TMC1: variants seen among roughly 807,000 people sequenced by gnomAD.
TMC1 encodes the protein transmembrane channel-like protein 1.
In TMC1, 84 loss-of-function variants were observed where a neutral mutation model predicts 105.8. That is an observed-to-expected ratio of 0.79 (90% CI 0.67 to 0.95). TMC1 has a LOEUF of 0.95. Ranked by LOEUF, TMC1 falls within the 40% of genes least tolerant of loss-of-function variation. TMC1 has a pLI of 0.00. For synonymous variants in TMC1, 315 were observed against 311.5 expected (o/e 1.01, Z -0.12); for missense variants, 817 against 914.1 (o/e 0.89, Z 1.37).
chr9:72,637,027 A>C (rs1202406035), intron 4 of TMC1, among the ~76,000 whole-genome samples: 1 of 151,556 alleles, frequency 6.6e-6, no homozygotes, highest in African/African-American at 2.4e-5. Context: ...CTAGAGAAGC[A>C]GCCTAGAACT....
At chr9:72,662,412 G>T (rs1287942002) in intron 5 of TMC1, among the ~76,000 whole-genome samples, 2 of 151,112 alleles carry the variant, frequency 1.3e-5, no homozygotes, top group Non-Finnish European at 2.9e-5. Context: ...GGCCAGGCTG[G>T]TCTCGAACTC....
intron 2 of TMC1, among the ~76,000 whole-genome samples, chr9:72,604,399 A>C (rs1361613063): frequency 6.6e-6 from 1 of 152,244 alleles, no homozygotes; most frequent in African/African-American, 2.4e-5. Flanking sequence ...TACAAAATTT[A>C]GTAAAAACTA....
At chr9:72,780,431 G>A (rs559284173) in intron 13 of TMC1, among the ~76,000 whole-genome samples, 16 of 152,208 alleles carry the variant, frequency 1.1e-4, no homozygotes, top group South Asian at 1.0e-3. Context: ...AAATGTAAAC[G>A]GGCTAAATGC....
Position 72,643,980 on chromosome 9 carries a change from G to A in TMC1, c.-52-4617G>A, listed in dbSNP as rs575889323. On this transcript the variant is annotated intron_variant, in intron 4 of 23. Transcript: ENST00000297784. ...CAATTTTAGCCATTTTAATAAATGT[G>A]TAGTGATATCTCACTGTTGTTTTAA... Among the ~76,000 whole-genome samples, 6 of 152,236 alleles carry A rather than the reference G, an allele frequency of 3.9e-5. No individual in the cohort carries two copies. In the South Asian group the frequency reaches 1.2e-3, roughly 32 times the overall value.
intron 5 of TMC1, among the ~76,000 whole-genome samples, chr9:72,658,948 T>C (rs1326100813): frequency 6.6e-6 from 1 of 152,216 alleles, no homozygotes; most frequent in Non-Finnish European, 1.5e-5. Flanking sequence ...ACAAGGGCAT[T>C]ATGGCCACAT....
At chr9:72,611,860 C>T (rs1284685471) in intron 2 of TMC1, among the ~76,000 whole-genome samples, 1 of 152,090 alleles carries the variant, frequency 6.6e-6, no homozygotes, top group East Asian at 1.9e-4. Flanking sequence ...AACATCACAG[C>T]ACATGTGCTT....
At chr9:72,798,840 AG>A (rs1463475133) in intron 17 of TMC1, among the ~76,000 whole-genome samples, 1 of 152,012 alleles carries the variant, frequency 6.6e-6, no homozygotes, top group Non-Finnish European at 1.5e-5. Context: ...CTAAAATAAA[AG>A]TTTTTTTTTA....
At chr9:72,589,564 A>T (rs561400683) in intron 2 of TMC1, among the ~76,000 whole-genome samples, 2 of 152,252 alleles carry the variant, frequency 1.3e-5, no homozygotes, top group South Asian at 4.1e-4. Flanking sequence ...TCAAGGTTCA[A>T]TTTAGACTTC....
At chr9:72,780,698 T>C (rs1290166057) in intron 13 of TMC1, among the ~76,000 whole-genome samples, 2 of 152,046 alleles carry the variant, frequency 1.3e-5, no homozygotes, top group Admixed American at 6.6e-5. Flanking sequence ...GACTTTAACC[T>C]AACAATAATC....
chr9:72,543,401 T>A (rs1236345122), intron 1 of TMC1, among the ~76,000 whole-genome samples: 4 of 152,242 alleles, frequency 2.6e-5, no homozygotes, highest in Admixed American at 2.0e-4. Context: ...TATAGATTAT[T>A]GGAATAACCT....
intron 1 of TMC1, among the ~76,000 whole-genome samples, chr9:72,569,279 A>G (rs1824226091): frequency 6.6e-6 from 1 of 152,106 alleles, no homozygotes; most frequent in Non-Finnish European, 1.5e-5. Flanking sequence ...AAGTCTGTTC[A>G]TGTTCAGTAC....
intron 13 of TMC1, among the ~76,000 whole-genome samples, chr9:72,786,772 T>A (rs1039571004): frequency 6.6e-6 from 1 of 152,152 alleles, no homozygotes; most frequent in Admixed American, 6.5e-5. Flanking sequence ...CTTTCCCACA[T>A]GTTAGATGTT....
rs200706169 is a variant in TMC1, at chr9:72,724,445, C to T, written c.363-15674C>T. 1.2e-4 allele frequency among the ~76,000 whole-genome samples: 18 copies of T among 152,338 alleles called. No individual in the cohort carries two copies. In the East Asian group the frequency reaches 3.3e-3, roughly 28 times the overall value. On this transcript the variant is annotated intron_variant, in intron 8 of 23. Coordinates refer to ENST00000297784, the MANE Select transcript of TMC1 (RefSeq NM_138691.3). ...GATAGAGCCCTCATGGCCGAATTATCTCTTAAAGGTCCCATCTCTTACTAC... is the reference window on the plus strand; with the variant it reads ...GATAGAGCCCTCATGGCCGAATTATTTCTTAAAGGTCCCATCTCTTACTAC...
intron 1 of TMC1, among the ~76,000 whole-genome samples, chr9:72,574,336 C>T (rs748722868): frequency 2.7e-4 from 41 of 152,170 alleles, no homozygotes; most frequent in South Asian, 4.1e-4. Flanking sequence ...TTTAATTGGG[C>T]GCCCAAGCTC....
At chr9:72,560,684 G>C (rs1413149323) in intron 1 of TMC1, among the ~76,000 whole-genome samples, 5 of 151,886 alleles carry the variant, frequency 3.3e-5, no homozygotes, top group African/African-American at 9.7e-5. Flanking sequence ...ATTTTTAGTA[G>C]AGACGGGGTT....
chr9:72,725,311 TTTTA>T (rs1827095077), intron 8 of TMC1, among the ~76,000 whole-genome samples: 2 of 129,052 alleles, frequency 1.5e-5, no homozygotes, highest in South Asian at 5.1e-4. Flanking sequence ...CACACACACA[TTTTA>T]TGTGTGTATG....
At chr9:72,543,712 C>CAT (rs907121241) in intron 1 of TMC1, among the ~76,000 whole-genome samples, 2 of 151,680 alleles carry the variant, frequency 1.3e-5, no homozygotes, top group Admixed American at 6.6e-5. Flanking sequence ...CCTGGGAGGC[C>CAT]ATATATATAT....
intron 13 of TMC1, among the ~76,000 whole-genome samples, chr9:72,785,920 G>T (rs1166831474): frequency 1.3e-5 from 2 of 152,080 alleles, no homozygotes; most frequent in Non-Finnish European, 2.9e-5. Context: ...TTCTTGTGTG[G>T]TCTTATCCTG....
intron 5 of TMC1, among the ~76,000 whole-genome samples, chr9:72,676,717 C>T (rs1332819293): frequency 6.6e-6 from 1 of 152,132 alleles, no homozygotes; most frequent in Non-Finnish European, 1.5e-5. Flanking sequence ...GCAATCATCT[C>T]AGGACCCAGA....
Sources: gnomAD v4.1 joint callset for allele counts (sites outside exome capture counted in the v4.1 genomes callset) on GRCh38, gnomAD v4.1.1 for gene constraint, MANE v1.5 for transcripts, NCBI Gene and HGNC (gene_info 2026-07-23, HGNC 2026-07-21) for gene names.